TENT2: variants seen among roughly 807,000 people sequenced by gnomAD.
TENT2 encodes terminal nucleotidyltransferase 2.
In TENT2, 44 loss-of-function variants were observed where a neutral mutation model predicts 72.2. The ratio of observed to expected loss-of-function variants is 0.61; its 90% confidence interval spans 0.48 to 0.78. The LOEUF is 0.78. Ranked by LOEUF, TENT2 falls within the 30% of genes least tolerant of loss-of-function variation. TENT2 has a pLI of 0.00. For missense variants in TENT2, 541 were observed against 569.6 expected (o/e 0.95, Z 0.51); for synonymous variants, 212 against 192.5 (o/e 1.10, Z -0.84).
chr5:79,673,662 T>C (rs1027696448), intron 12 of TENT2, among the ~76,000 whole-genome samples: 4 of 152,226 alleles, frequency 2.6e-5, no homozygotes, highest in Non-Finnish European at 5.9e-5. Context: ...TGTCTGTTTT[T>C]ATGCCAGTCC....
intron 12 of TENT2, among the ~76,000 whole-genome samples, chr5:79,678,466 C>G (rs1819053804): frequency 6.6e-6 from 1 of 151,816 alleles, no homozygotes; most frequent in South Asian, 2.1e-4. Flanking sequence ...ATTTATTTTT[C>G]TCTCATATAC....
chr5:79,672,113 A>C (rs895143778), intron 12 of TENT2, among the ~76,000 whole-genome samples: 9 of 151,652 alleles, frequency 5.9e-5, no homozygotes, highest in South Asian at 2.1e-4. Context: ...AAAAAAAAAA[A>C]CAAAAAACTA....
intron 4 of TENT2, among the ~76,000 whole-genome samples, chr5:79,635,944 CAG>C (rs1779806036): frequency 6.6e-6 from 1 of 152,176 alleles, no homozygotes; most frequent in Non-Finnish European, 1.5e-5. Flanking sequence ...TTCTCTACAT[CAG>C]GGGTTGGCAG....
intron 12 of TENT2, among the ~76,000 whole-genome samples, chr5:79,677,435 C>A (rs1818112963): frequency 6.6e-6 from 1 of 152,042 alleles, no homozygotes; most frequent in Non-Finnish European, 1.5e-5. Flanking sequence ...AATAGAAATA[C>A]AGTGGTAAAG....
chr5:79,642,071 G>T (rs1784904744), intron 6 of TENT2, among the ~76,000 whole-genome samples: 1 of 151,796 alleles, frequency 6.6e-6, no homozygotes, highest in Non-Finnish European at 1.5e-5. Flanking sequence ...AGATGCTGAG[G>T]TTTCTTCTGA....
At chr5:79,618,135 T>G (rs370460815) in intron 1 of TENT2, among the ~76,000 whole-genome samples, 1 of 152,214 alleles carries the variant, frequency 6.6e-6, no homozygotes, top group East Asian at 1.9e-4. Flanking sequence ...TACCACCTTT[T>G]CCTTTTCGTT....
rs539221052 is a variant in TENT2, at chr5:79,626,443, G to A, written c.465+2954G>A. On this transcript the variant is annotated intron_variant, in intron 4 of 14. Transcript: ENST00000453514. ...CTGCCTCAGCCTCCCGAGTAGCTGG[G>A]ACTACAGGCGCCTGCCACCAAACCC... Among the ~76,000 whole-genome samples the A allele has an allele frequency of 7.9e-5, 12 of 151,652 alleles. No homozygotes were observed. In the East Asian group the frequency reaches 2.2e-3, roughly 27 times the overall value.
chr5:79,648,205 G>A (rs944415319), intron 8 of TENT2, among the ~76,000 whole-genome samples: 1 of 152,156 alleles, frequency 6.6e-6, no homozygotes, highest in Non-Finnish European at 1.5e-5. Flanking sequence ...TGATTTGGGA[G>A]GCTGAGGTGG....
chr5:79,620,019 C>G lies in TENT2; in HGVS notation c.163C>G (p.Gln55Glu), dbSNP rs1763487117. 1.2e-6 allele frequency: 2 copies of G among 1,611,066 alleles called. No homozygotes were observed. The highest frequency in any genetic ancestry group is 2.7e-5 in the African/African-American group (2 of 74,842). The change falls in exon 3 of 15, where the codon CAG becomes GAG. Residue 55 changes from glutamine to glutamate, a missense_variant. Coordinates refer to ENST00000453514, the MANE Select transcript of TENT2 (RefSeq NM_001114394.3). ...ADLSRAVSLQ[Q>E]LTYGNVSPIQ... Reference sequence around the variant, plus strand: ...CTTGTCTAGAGCTGTGTCATTACAGCAGCTGACATATGGAAATGTCAGTCC... The same window carrying G: ...CTTGTCTAGAGCTGTGTCATTACAGGAGCTGACATATGGAAATGTCAGTCC...
chr5:79,638,155 C>G (rs904849395), intron 4 of TENT2, among the ~76,000 whole-genome samples: 4 of 151,954 alleles, frequency 2.6e-5, no homozygotes, highest in Non-Finnish European at 5.9e-5. Flanking sequence ...TTGCTTTTTT[C>G]CTTTCCCACT....
chr5:79,677,496 T>C (rs936973862), intron 12 of TENT2, among the ~76,000 whole-genome samples: 1 of 152,218 alleles, frequency 6.6e-6, no homozygotes, highest in Non-Finnish European at 1.5e-5. Flanking sequence ...CAGCAAGATA[T>C]TGTATTTCAA....
At chr5:79,654,160 G>A (rs1208302478) in intron 10 of TENT2, among the ~76,000 whole-genome samples, 4 of 152,192 alleles carry the variant, frequency 2.6e-5, no homozygotes, top group Admixed American at 1.3e-4. Flanking sequence ...GGCCGGGCAC[G>A]GTGGCTCACG....
intron 4 of TENT2, among the ~76,000 whole-genome samples, chr5:79,628,961 T>C (rs1772769288): frequency 6.6e-6 from 1 of 152,190 alleles, no homozygotes; most frequent in Admixed American, 6.5e-5. Flanking sequence ...GTTGAGATGC[T>C]GGCTTGTGTT....
At chr5:79,659,594 A>ATG (rs70975771) in intron 11 of TENT2, among the ~76,000 whole-genome samples, 9 of 127,574 alleles carry the variant, frequency 7.1e-5, no homozygotes, top group African/African-American at 2.3e-4. Flanking sequence ...ATATATATAT[A>ATG]ATAGCCATCG....
rs1402876454 is a variant in TENT2 at position 79,623,302 on chromosome 5, T to C, written c.278T>C (p.Phe93Ser). The change falls in exon 4 of 15, where the codon TTC becomes TCC. Residue 93 changes from phenylalanine to serine, a missense_variant. Physicochemically the swap from Phe to Ser is radical, Grantham distance 155 (BLOSUM62 -2). Transcript: ENST00000453514. ...NLPLDGKRQR[F>S]HSPHQEPTVV... ...CCTCTTGACGGTAAACGGCAACGTT[T>C]CCATTCACCCCACCAAGAGCCAACT... 6.8e-6 allele frequency: 11 copies of C among 1,613,440 alleles called. No homozygotes were observed. The highest frequency in any genetic ancestry group is 1.7e-4 in the Middle Eastern group (1 of 6,058).
rs1251238012 is a variant in TENT2, at chr5:79,685,213, G to A, written c.1395G>A (p.Leu465=). The A allele has an allele frequency of 6.2e-7, 1 of 1,606,810 alleles. No individual in the cohort carries two copies. The highest frequency in any genetic ancestry group is 8.5e-7 in the Non-Finnish European group (1 of 1,177,802). ...TTCTCTCCCAGTCATGGCACAGATTGAAAAACAAGAGAGATTTGAACAGTA... is the reference window on the plus strand; with the variant it reads ...TTCTCTCCCAGTCATGGCACAGATTAAAAAACAAGAGAGATTTGAACAGTA... ...KDQFLKSWHR[L]KNKRDLNSIL... The change falls in exon 15 of 15, where the codon TTG becomes TTA. Residue 465 remains leucine, a synonymous_variant. Transcript: ENST00000453514.
chr5:79,620,999 C>T (rs1024088122), intron 3 of TENT2, among the ~76,000 whole-genome samples: 2 of 151,828 alleles, frequency 1.3e-5, no homozygotes, highest in African/African-American at 2.4e-5. Flanking sequence ...ATTGAAATAA[C>T]ATTCGGCAAT....
At chr5:79,622,683 A>G (rs1443365353) in intron 3 of TENT2, among the ~76,000 whole-genome samples, 2 of 152,202 alleles carry the variant, frequency 1.3e-5, no homozygotes, top group South Asian at 2.1e-4. Context: ...CTTTTCTTCT[A>G]TATAACCAAA....
chr5:79,627,570 C>G (rs1235877938), intron 4 of TENT2, among the ~76,000 whole-genome samples: 2 of 152,124 alleles, frequency 1.3e-5, no homozygotes, highest in African/African-American at 4.8e-5. Flanking sequence ...ACTGCGACCT[C>G]CATCTCCCGG....
Sources: allele counts gnomAD v4.1 joint callset (sites outside exome capture counted in the v4.1 genomes callset), GRCh38; gene constraint gnomAD v4.1.1; transcripts MANE v1.5; gene names NCBI Gene and HGNC (gene_info 2026-07-23, HGNC 2026-07-21).